ABCC12: variants seen among roughly 807,000 people sequenced by gnomAD.
The protein encoded by ABCC12 is ATP binding cassette subfamily C member 12.
ABCC12 carries 142 observed loss-of-function variants against 151.1 expected under a neutral mutation model. That is an observed-to-expected ratio of 0.94 (90% CI 0.82 to 1.08). The LOEUF is 1.08. Ranked by LOEUF, ABCC12 falls within the 50% of genes least tolerant of loss-of-function variation. ABCC12 has a pLI of 0.00. For missense variants in ABCC12, 1,638 were observed against 1,691.1 expected (o/e 0.97, Z 0.55); for synonymous variants, 645 against 646.4 (o/e 1.00, Z 0.03).
chr16:48,154,182 C>T (rs1965153273), intron 1 of ABCC12, among the ~76,000 whole-genome samples: 1 of 152,158 alleles, frequency 6.6e-6, no homozygotes, highest in Non-Finnish European at 1.5e-5. Context: ...TGGTGCACCC[C>T]TCTGCTAGCA....
intron 28 of ABCC12, 33 bp from the exon 29 acceptor site, chr16:48,085,739 G>A: frequency 6.5e-7 from 1 of 1,541,904 alleles, no homozygotes. Flanking sequence ...CATTTGTGCT[G>A]ATGATCTATA....
At position 48,084,034 on chromosome 16, in the gene ABCC12, T is replaced by G; in HGVS notation, c.3868A>C (p.Lys1290Gln). ...GTGTTCTGAACCAGGGTGTCAGTCT[T>G]GGAGTCCATAGAGGCGGTGGCTTCA... ...LDEATASMDS[K>Q]TDTLVQNTIK... Residue 1290 changes from lysine to glutamine, a missense_variant, in exon 30 of 31, where the codon AAG (lysine) becomes CAG (glutamine). Coordinates refer to ENST00000311303, the MANE Select transcript of ABCC12 (RefSeq NM_001393797.1). The G allele has an allele frequency of 6.2e-7, 1 of 1,612,534 alleles. No individual in the cohort carries two copies.
In ABCC12 at chr16:48,096,882, C is replaced by A; in HGVS notation, c.3059G>T (p.Cys1020Phe). ...CITYHLLYFN[C>F]ALRWFALRMD... The stretch of plus-strand genomic sequence containing the variant: ...TCTCAGCGCAAACCACCTGAGAGCA[C>A]AGTTAAAGTAGAGGAGGTGACTGGA... Residue 1020 changes from cysteine to phenylalanine, a missense_variant, in exon 24 of 31, where the codon TGT becomes TTT. By Grantham distance (205) the Cys-to-Phe change is radical. Transcript: ENST00000311303. The A allele has an allele frequency of 6.2e-7, 1 of 1,614,094 alleles. No homozygotes were observed.
At chr16:48,096,534 C>T (rs1963100799) in intron 24 of ABCC12, among the ~76,000 whole-genome samples, 1 of 152,212 alleles carries the variant, frequency 6.6e-6, no homozygotes, top group African/African-American at 2.4e-5. Flanking sequence ...GGAAAGTCAT[C>T]ACAGGGCATG....
In ABCC12 at chr16:48,108,426, G is replaced by GT; in HGVS notation, c.2371+13dup. On this transcript the variant is annotated intron_variant, in intron 19 of 30. Transcript: ENST00000311303. ...TGCAAATTAAATCAAGAAACTTGTT[G>GT]TTTTATACTGAACCTCCAGAAGCCT... 6.2e-7 allele frequency: 1 copy of GT among 1,607,968 alleles called. No individual in the cohort carries two copies. Among genetic ancestry groups the GT allele is most frequent in the Non-Finnish European group, 8.5e-7 (1 of 1,174,882 alleles).
chr16:48,134,311 G>A lies in ABCC12; in HGVS notation c.980-476C>T, dbSNP rs1461081994. 2.0e-5 allele frequency among the ~76,000 whole-genome samples: 3 copies of A among 152,138 alleles called. No homozygotes were observed. The East Asian group carries it at 5.8e-4, about 29-fold the overall frequency. On this transcript the variant is annotated intron_variant, in intron 8 of 30. Transcript: ENST00000311303. ...CACCAACTGCAAGTATGGAAACAAAGGAAAATCTTGAGTTCCTTCAAGGGA... is the reference window on the plus strand; with the variant it reads ...CACCAACTGCAAGTATGGAAACAAAAGAAAATCTTGAGTTCCTTCAAGGGA...
At chr16:48,147,502 C>T (rs1283683276) in intron 2 of ABCC12, among the ~76,000 whole-genome samples, 1 of 152,214 alleles carries the variant, frequency 6.6e-6, no homozygotes, top group Non-Finnish European at 1.5e-5. Context: ...GATAAACCAA[C>T]TCCCATCAAG....
At position 48,130,736 on chromosome 16, in the gene ABCC12, T is replaced by C. The variant is rs543657587; in HGVS notation, c.1236+52A>G. On this transcript the variant is annotated intron_variant, in intron 10 of 30. Transcript: ENST00000311303. Reference sequence around the variant, plus strand: ...ACAGCCTCCACATATCTGAGCATTTTCCCACCCCAAAATGAGATCTCTCTT... The same window carrying C: ...ACAGCCTCCACATATCTGAGCATTTCCCCACCCCAAAATGAGATCTCTCTT... The C allele has an allele frequency of 1.2e-5, 17 of 1,456,332 alleles. No homozygotes were observed. In the East Asian group the frequency reaches 2.7e-4, roughly 23 times the overall value. 90.2% of individuals were successfully genotyped at this position (1,456,332 alleles called of 1,614,324 possible).
intron 15 of ABCC12, 82 bp from the exon 16 acceptor site, chr16:48,111,992 CT>C (rs1963711846): frequency 3.9e-6 from 6 of 1,521,996 alleles, no homozygotes; most frequent in Middle Eastern, 4.6e-4. Context: ...TTAGTTACCA[CT>C]GTTGACTTTA....
At chr16:48,143,577 TC>T in intron 4 of ABCC12, among the ~76,000 whole-genome samples, 1 of 152,198 alleles carries the variant, frequency 6.6e-6, no homozygotes. Flanking sequence ...GAATTTTAGC[TC>T]CCATAATCTC....
At chr16:48,101,799 A>G (rs968151060) in intron 22 of ABCC12, among the ~76,000 whole-genome samples, 1 of 152,140 alleles carries the variant, frequency 6.6e-6, no homozygotes. Context: ...AACTGCATAA[A>G]CAGGAGGACA....
intron 24 of ABCC12, 23 bp from the exon 25 acceptor site, chr16:48,091,232 C>T (rs375427434): frequency 6.2e-7 from 1 of 1,610,508 alleles, no homozygotes; most frequent in African/African-American, 1.3e-5. Context: ...AGCGAGCAGC[C>T]GCAGTTAGAG....
intron 30 of ABCC12, 45 bp from the exon 31 acceptor site, chr16:48,083,846 C>T (rs1962458880): frequency 1.2e-6 from 2 of 1,613,846 alleles, no homozygotes; most frequent in Non-Finnish European, 8.5e-7. Flanking sequence ...AAAATATCTA[C>T]CCACTGTAAA....
intron 1 of ABCC12, among the ~76,000 whole-genome samples, chr16:48,155,299 C>T (rs1016306508): frequency 6.6e-6 from 1 of 150,700 alleles, no homozygotes; most frequent in Admixed American, 6.6e-5. Context: ...CATTCCGACA[C>T]GATCAAAGAA....
Position 48,139,195 on chromosome 16 carries a change from T to C in ABCC12, c.799A>G (p.Ile267Val), listed in dbSNP as rs1179413557. 9 of 1,612,654 alleles carry C rather than the reference T, an allele frequency of 5.6e-6. 1 individual carries two copies. In the South Asian group the frequency reaches 6.6e-5, roughly 12 times the overall value. ...GGTATGAATATGACATACACTGATA[T>C]CCCGATGAGAGCTGTGGGCCCCAGA... Reference protein sequence around the residue: ...FILGPTALIGISVYVIFIPVQ... With the variant: ...FILGPTALIGVSVYVIFIPVQ... Residue 267 changes from isoleucine (I) to valine (V), a missense_variant, in exon 7 of 31, where the codon ATA (isoleucine) becomes GTA (valine). Ile to Val is a conservative substitution (Grantham distance 29). Transcript: ENST00000311303.
intron 27 of ABCC12, chr16:48,087,084 G>A (rs745608508): frequency 3.9e-5 from 15 of 385,144 alleles, no homozygotes; most frequent in Non-Finnish European, 5.3e-5. Flanking sequence ...GCAGCTCTGA[G>A]CAAGGTGCTC....
At chr16:48,149,306 A>C (rs1428846316) in intron 2 of ABCC12, among the ~76,000 whole-genome samples, 3 of 151,848 alleles carry the variant, frequency 2.0e-5, no homozygotes, top group African/African-American at 7.2e-5. Flanking sequence ...AAAAGGAATA[A>C]ATAGAAGACA....
chr16:48,109,546 A>C (rs996337724), intron 18 of ABCC12, among the ~76,000 whole-genome samples: 6 of 151,752 alleles, frequency 4.0e-5, no homozygotes, highest in Non-Finnish European at 7.3e-5. Context: ...GGGGCACCCC[A>C]CATACAGACT....
At chr16:48,135,333 A>G (rs981647744) in intron 8 of ABCC12, among the ~76,000 whole-genome samples, 36 of 152,222 alleles carry the variant, frequency 2.4e-4, no homozygotes, top group Admixed American at 7.9e-4. Flanking sequence ...AGTTCGGTCC[A>G]GTAACAACCA....
Sources: allele counts gnomAD v4.1 joint callset (sites outside exome capture counted in the v4.1 genomes callset), GRCh38; gene constraint gnomAD v4.1.1; transcripts MANE v1.5; gene names NCBI Gene and HGNC (gene_info 2026-07-23, HGNC 2026-07-21).